The following ARHGEF7 variants were observed in gnomAD, a reference collection of about 807,000 sequenced individuals.
ARHGEF7 encodes the protein PAK-interacting exchange factor beta.
In ARHGEF7, 33 loss-of-function variants were observed where a neutral mutation model predicts 109.8. That is an observed-to-expected ratio of 0.30 (90% confidence interval 0.23 to 0.40). ARHGEF7 has a LOEUF of 0.40. ARHGEF7 is among the 10% of genes least tolerant of loss of function. The pLI, the probability that ARHGEF7 is intolerant of heterozygous loss-of-function variation, is 1.00. For synonymous variants in ARHGEF7, 458 were observed against 424.6 expected, an observed-to-expected ratio of 1.08 and a Z score of -0.97; for missense variants, 938 against 1,098.5, an observed-to-expected ratio of 0.85 and a Z score of 2.07.
chr13:111,198,173 G>C (rs1051958558), intron 2 of ARHGEF7, among the ~76,000 whole-genome samples: 1 of 152,154 alleles, frequency 6.6e-6, no homozygotes, highest in African/African-American at 2.4e-5. Context: ...CCTGACACGC[G>C]TGTCTTTAGT....
rs1167489762 is a variant in ARHGEF7 at position 111,304,029 on chromosome 13, GA to G, written c.*917del. On this transcript the variant is annotated 3_prime_UTR_variant, in exon 22 of 22. Coordinates refer to ENST00000646102, the MANE Select transcript of ARHGEF7 (RefSeq NM_001354046.2). ...TCACTGCAGCTGATGAAAACAGATG[GA>G]GGCCATGCTGCAGGCTGATACTGAT... 1 of 152,238 alleles carries G rather than the reference GA, an allele frequency of 6.6e-6. No individual in the cohort carries two copies. Among genetic ancestry groups the G allele is most frequent in the East Asian group, 1.9e-4 (1 of 5,196 alleles). The allele number at this position is 152,238 out of a possible 1,614,324, so 9.4% of individuals were successfully genotyped here. A position where few individuals can be genotyped will look rare whatever the true frequency, so the allele number is the denominator to read the frequency against.
At chr13:111,146,838 G>A (rs954175628) in intron 1 of ARHGEF7, among the ~76,000 whole-genome samples, 1 of 152,142 alleles carries the variant, frequency 6.6e-6, no homozygotes, top group Non-Finnish European at 1.5e-5. Flanking sequence ...TGACCTTAAT[G>A]TTGCTTTGTG....
intron 2 of ARHGEF7, among the ~76,000 whole-genome samples, chr13:111,164,435 A>T (rs1195105711): frequency 2.0e-5 from 3 of 152,232 alleles, no homozygotes; most frequent in Non-Finnish European, 4.4e-5. Flanking sequence ...TCTCAGGAGA[A>T]CTTACCTGGT....
chr13:111,185,031 C>G (rs1479123263), intron 2 of ARHGEF7: 2 of 152,078 alleles, frequency 1.3e-5, no homozygotes, highest in Non-Finnish European at 2.9e-5. Context: ...TCCTCAGAGA[C>G]TGTTGTGTGG....
intron 2 of ARHGEF7, among the ~76,000 whole-genome samples, chr13:111,157,583 AATGATG>A (rs961526428): frequency 6.6e-6 from 1 of 152,048 alleles, no homozygotes; most frequent in Non-Finnish European, 1.5e-5. Flanking sequence ...AGAAAAAAAA[AATGATG>A]ATGATGATGA....
chr13:111,270,417 CT>C (rs113405116), intron 9 of ARHGEF7, among the ~76,000 whole-genome samples: 734 of 144,926 alleles, frequency 5.1e-3, no homozygotes, highest in South Asian at 6.8e-3. Flanking sequence ...TATGGCACTA[CT>C]TTTTTTTTTT....
At chr13:111,127,648 G>GAAAAAAAAAAA (rs71206956) in intron 1 of ARHGEF7, among the ~76,000 whole-genome samples, 1 of 40,042 alleles carries the variant, frequency 2.5e-5, no homozygotes, top group Non-Finnish European at 5.0e-5. Flanking sequence ...CTCTGTTTCA[G>GAAAAAAAAAAA]AAAAAAAAAA....
intron 2 of ARHGEF7, among the ~76,000 whole-genome samples, chr13:111,172,886 C>G (rs1219777546): frequency 6.6e-6 from 1 of 152,170 alleles, no homozygotes; most frequent in African/African-American, 2.4e-5. Context: ...GCCTTTTTCT[C>G]CCGATTATAG....
intron 6 of ARHGEF7, among the ~76,000 whole-genome samples, chr13:111,234,847 A>T (rs1318466425): frequency 6.6e-6 from 1 of 151,500 alleles, no homozygotes; most frequent in African/African-American, 2.4e-5. Flanking sequence ...ATTACCCGAG[A>T]CACCTGCTTT....
chr13:111,281,479 C>G (rs1393085823), intron 15 of ARHGEF7, among the ~76,000 whole-genome samples: 2 of 152,128 alleles, frequency 1.3e-5, no homozygotes, highest in African/African-American at 4.8e-5. Flanking sequence ...GGTTGTAGCT[C>G]AAGAAGGATT....
intron 8 of ARHGEF7, among the ~76,000 whole-genome samples, chr13:111,250,938 T>G (rs2089669537): frequency 6.6e-6 from 1 of 152,152 alleles, no homozygotes; most frequent in African/African-American, 2.4e-5. Flanking sequence ...ACCCAAAATC[T>G]CTCCAAGCCC....
chr13:111,124,927 T>A (rs1315768186), intron 1 of ARHGEF7, among the ~76,000 whole-genome samples: 1 of 152,082 alleles, frequency 6.6e-6, no homozygotes, highest in Admixed American at 6.5e-5. Context: ...GCCCGGCTAA[T>A]TTTTGTATTT....
intron 16 of ARHGEF7, 70 bp from the exon 17 acceptor site, chr13:111,286,077 G>A (rs1447568258): frequency 1.6e-6 from 2 of 1,256,208 alleles, no homozygotes; most frequent in African/African-American, 2.9e-5. Flanking sequence ...CTTTACAGCA[G>A]CCTTTCTGAT....
chr13:111,152,252 T>C (rs1174617204), intron 1 of ARHGEF7, among the ~76,000 whole-genome samples: 1 of 152,220 alleles, frequency 6.6e-6, no homozygotes, highest in Non-Finnish European at 1.5e-5. Flanking sequence ...ACACTTAGAT[T>C]CTATTGGATA....
At chr13:111,294,016 C>T in intron 19 of ARHGEF7, 2 of 985,376 alleles carry the variant, frequency 2.0e-6, no homozygotes, top group Non-Finnish European at 2.4e-6. Context: ...TATTTGTTCC[C>T]AAGTAGCTAC....
intron 1 of ARHGEF7, among the ~76,000 whole-genome samples, chr13:111,124,972 C>G (rs542792001): frequency 1.3e-5 from 2 of 152,254 alleles, no homozygotes; most frequent in African/African-American, 4.8e-5. Flanking sequence ...GTTGGCCAGG[C>G]TGGTCTCAAA....
intron 2 of ARHGEF7, among the ~76,000 whole-genome samples, chr13:111,197,151 C>G (rs1273997098): frequency 6.6e-6 from 1 of 151,710 alleles, no homozygotes; most frequent in Non-Finnish European, 1.5e-5. Context: ...GGAATAGTTG[C>G]GCTCACCGAC....
intron 2 of ARHGEF7, among the ~76,000 whole-genome samples, chr13:111,166,789 A>C (rs997650882): frequency 2.6e-5 from 4 of 152,164 alleles, no homozygotes; most frequent in Non-Finnish European, 5.9e-5. Context: ...TCAGGTCTGG[A>C]CTTCAGGGAT....
intron 15 of ARHGEF7, 76 bp from the exon 16 acceptor site, chr13:111,283,063 T>C (rs1281537921): frequency 2.0e-6 from 3 of 1,464,188 alleles, no homozygotes; most frequent in Non-Finnish European, 2.8e-6. Flanking sequence ...CAGAAGGAAG[T>C]GCGTGATAAG....
Sources: gnomAD v4.1 joint callset for allele counts (sites outside exome capture counted in the v4.1 genomes callset) on GRCh38, gnomAD v4.1.1 for gene constraint, MANE v1.5 for transcripts, NCBI Gene and HGNC (gene_info 2026-07-23, HGNC 2026-07-21) for gene names.